Variants in SPIDR observed in about 807,000 individuals in gnomAD.
SPIDR encodes scaffold protein involved in DNA repair, also known as DNA repair-scaffolding protein.
Under a neutral mutation model 104.6 loss-of-function variants are expected in SPIDR, and 93 were observed. The ratio of observed to expected loss-of-function variants is 0.89; its 90% CI spans 0.75 to 1.06. SPIDR has a LOEUF of 1.06. Ranked by LOEUF, SPIDR falls within the 50% of genes least tolerant of loss-of-function variation. SPIDR has a pLI of 0.00. For synonymous variants in SPIDR, 431 were observed against 416.9 expected, an observed-to-expected ratio of 1.03 and a Z score of -0.41; for missense variants, 1,154 against 1,111.2, an observed-to-expected ratio of 1.04 and a Z score of -0.55.
At position 47,627,834 on chromosome 8, in the gene SPIDR, C is replaced by A. The variant is rs575423682; in HGVS notation, c.1544+28638C>A. ...CTTTGTGCAGCCTTGACGTACTGGC[C>A]GGAGTGGAATGGAGAAGTTAGCATT... On this transcript the variant is annotated intron_variant, in intron 10 of 19. Coordinates refer to ENST00000297423, the MANE Select transcript of SPIDR (RefSeq NM_001080394.4). 2.6e-3 allele frequency among the ~76,000 whole-genome samples: 394 copies of A among 152,236 alleles called. 2 individuals are homozygous for A. Among genetic ancestry groups the A allele is most frequent in the African/African-American group, 8.7e-3 (363 of 41,546 alleles).
At chr8:47,498,191 CT>C (rs1316817095) in intron 8 of SPIDR, among the ~76,000 whole-genome samples, 1 of 152,152 alleles carries the variant, frequency 6.6e-6, no homozygotes, top group African/African-American at 2.4e-5. Context: ...CTCTGTCTCT[CT>C]TTCTCTCCCT....
At chr8:47,719,127 G>A (rs1333738763) in intron 16 of SPIDR, among the ~76,000 whole-genome samples, 3 of 152,114 alleles carry the variant, frequency 2.0e-5, no homozygotes, top group Admixed American at 6.5e-5. Flanking sequence ...GCCTCTCAAC[G>A]TCAGTTAGTA....
chr8:47,274,126 C>T (rs1433991452), intron 1 of SPIDR, among the ~76,000 whole-genome samples: 4 of 152,224 alleles, frequency 2.6e-5, no homozygotes, highest in African/African-American at 9.6e-5. Context: ...TAGGAAATTG[C>T]AAGAGTTGTA....
intron 11 of SPIDR, among the ~76,000 whole-genome samples, chr8:47,685,497 A>ATTTTTTTTTTTTTTTTT (rs1383864694): frequency 1.8e-5 from 2 of 113,196 alleles, no homozygotes; most frequent in Non-Finnish European, 4.3e-5. Context: ...TTATTTATTT[A>ATTTTTTTTTTTTTTTTT]TTTATTTATT....
At chr8:47,721,469 T>C (rs1293973577) in intron 16 of SPIDR, among the ~76,000 whole-genome samples, 2 of 151,964 alleles carry the variant, frequency 1.3e-5, no homozygotes, top group East Asian at 1.9e-4. Flanking sequence ...ATCTTAATTA[T>C]TGAAACTTTT....
intron 7 of SPIDR, among the ~76,000 whole-genome samples, chr8:47,431,529 G>A (rs1554689294): frequency 6.6e-6 from 1 of 152,198 alleles, no homozygotes; most frequent in Non-Finnish European, 1.5e-5. Flanking sequence ...ATGAGTCACA[G>A]CGACATGCCT....
At chr8:47,463,748 G>A (rs575709368) in intron 8 of SPIDR, among the ~76,000 whole-genome samples, 55 of 152,308 alleles carry the variant, frequency 3.6e-4, no homozygotes, top group Middle Eastern at 6.8e-3. Flanking sequence ...CATTAATGGA[G>A]TGAAGGAGAA....
At chr8:47,626,787 G>C (rs1319163943) in intron 10 of SPIDR, among the ~76,000 whole-genome samples, 1 of 152,166 alleles carries the variant, frequency 6.6e-6, no homozygotes, top group Admixed American at 6.5e-5. Context: ...TACACTGTTG[G>C]TGGGACTGTA....
At chr8:47,318,220 T>A (rs930604918) in intron 5 of SPIDR, among the ~76,000 whole-genome samples, 5 of 152,004 alleles carry the variant, frequency 3.3e-5, no homozygotes, top group African/African-American at 9.7e-5. Context: ...AATGGCTAAC[T>A]AGAATAACCA....
At chr8:47,627,353 C>T (rs942237230) in intron 10 of SPIDR, among the ~76,000 whole-genome samples, 1 of 151,440 alleles carries the variant, frequency 6.6e-6, no homozygotes, top group Non-Finnish European at 1.5e-5. Context: ...CAAACCTGCA[C>T]GTTGTGCACA....
At chr8:47,627,567 A>G (rs1019796230) in intron 10 of SPIDR, among the ~76,000 whole-genome samples, 3 of 152,174 alleles carry the variant, frequency 2.0e-5, no homozygotes, top group Non-Finnish European at 4.4e-5. Flanking sequence ...GTGTTTAAGA[A>G]ATTGCTCAGG....
intron 5 of SPIDR, among the ~76,000 whole-genome samples, chr8:47,392,969 G>T (rs1479229458): frequency 6.6e-6 from 1 of 152,172 alleles, no homozygotes; most frequent in Non-Finnish European, 1.5e-5. Flanking sequence ...CATGAATGTT[G>T]TTGCTATTTC....
At chr8:47,302,559 T>C (rs1027060900) in intron 5 of SPIDR, among the ~76,000 whole-genome samples, 4 of 152,190 alleles carry the variant, frequency 2.6e-5, no homozygotes, top group Non-Finnish European at 5.9e-5. Flanking sequence ...CTCTGTTTTT[T>C]CCCCATCTTT....
intron 5 of SPIDR, among the ~76,000 whole-genome samples, chr8:47,392,014 G>T (rs1262058917): frequency 7.1e-6 from 1 of 140,810 alleles, no homozygotes; most frequent in African/African-American, 2.7e-5. Context: ...AAAAAAAAAA[G>T]AAAGAAAAGA....
intron 5 of SPIDR, among the ~76,000 whole-genome samples, chr8:47,380,022 G>A (rs2059140451): frequency 6.6e-6 from 1 of 152,044 alleles, no homozygotes; most frequent in African/African-American, 2.4e-5. Context: ...TTAATTCTTT[G>A]CCTTGAATAA....
At chr8:47,429,712 T>C (rs1385266104) in intron 7 of SPIDR, among the ~76,000 whole-genome samples, 2 of 151,660 alleles carry the variant, frequency 1.3e-5, no homozygotes, top group African/African-American at 4.8e-5. Flanking sequence ...TCATCTGCGC[T>C]GCAGTTTTTT....
intron 8 of SPIDR, among the ~76,000 whole-genome samples, chr8:47,479,151 G>A (rs1420006181): frequency 4.6e-5 from 7 of 152,108 alleles, no homozygotes; most frequent in African/African-American, 1.7e-4. Context: ...TTGAGGCCAG[G>A]AGTTCGAGAT....
At chr8:47,289,517 G>C (rs1172504964) in intron 3 of SPIDR, among the ~76,000 whole-genome samples, 1 of 151,990 alleles carries the variant, frequency 6.6e-6, no homozygotes, top group Non-Finnish European at 1.5e-5. Context: ...AGAAAAGTTT[G>C]CTGTTGACTT....
At chr8:47,491,876 A>C (rs782112269) in intron 8 of SPIDR, among the ~76,000 whole-genome samples, 1 of 152,134 alleles carries the variant, frequency 6.6e-6, no homozygotes. Context: ...AAAACCAGCC[A>C]ATATTGAACC....
Sources: gnomAD v4.1 joint callset for allele counts (sites outside exome capture counted in the v4.1 genomes callset) on GRCh38, gnomAD v4.1.1 for gene constraint, MANE v1.5 for transcripts, NCBI Gene and HGNC (gene_info 2026-07-23, HGNC 2026-07-21) for gene names.